The following AASS variants were observed in gnomAD, a reference collection of about 807,000 sequenced individuals.
AASS encodes aminoadipate-semialdehyde synthase.
AASS carries 86 observed loss-of-function variants against 105.4 expected under a neutral mutation model. The ratio of observed to expected loss-of-function variants is 0.82; its 90% CI spans 0.69 to 0.98. The LOEUF (loss-of-function observed/expected upper bound fraction) is 0.98. Among genes scored for constraint, AASS ranks in the 50% least tolerant of loss-of-function variants. AASS has a pLI of 0.00. For missense variants in AASS, 1,048 were observed against 1,143.2 expected (o/e 0.92, Z 1.20); for synonymous variants, 381 against 394.8 (o/e 0.96, Z 0.41).
intron 1 of AASS, among the ~76,000 whole-genome samples, 189 bp downstream of exon 1, chr7:122,143,972 G>C (rs1027472595): frequency 2.6e-5 from 4 of 152,164 alleles, no homozygotes; most frequent in Admixed American, 6.5e-5. Flanking sequence ...AGGGAGGCCC[G>C]AATGCTCGCC....
chr7:122,126,819 A>C (rs994783402), intron 3 of AASS, among the ~76,000 whole-genome samples: 1 of 152,134 alleles, frequency 6.6e-6, no homozygotes, highest in African/African-American at 2.4e-5. Context: ...CTGGTCAAAT[A>C]AAACAGATCC....
chr7:122,139,889 T>C (rs970866903), intron 1 of AASS, among the ~76,000 whole-genome samples: 3 of 151,844 alleles, frequency 2.0e-5, no homozygotes, highest in Non-Finnish European at 4.4e-5. Context: ...GAGGCGAAGT[T>C]TGCAGTAAGT....
At chr7:122,140,099 C>T (rs902439213) in intron 1 of AASS, among the ~76,000 whole-genome samples, 3 of 152,014 alleles carry the variant, frequency 2.0e-5, no homozygotes, top group Non-Finnish European at 4.4e-5. Context: ...TCTCTTCAAC[C>T]CTTTCCATAG....
chr7:122,141,478 T>G (rs969692425), intron 1 of AASS, among the ~76,000 whole-genome samples: 1 of 152,148 alleles, frequency 6.6e-6, no homozygotes, highest in African/African-American at 2.4e-5. Flanking sequence ...TGTGTTTTAC[T>G]CATCTCTGTA....
intron 1 of AASS, among the ~76,000 whole-genome samples, chr7:122,134,085 A>C (rs1233044770): frequency 6.6e-6 from 1 of 152,120 alleles, no homozygotes; most frequent in Non-Finnish European, 1.5e-5. Context: ...CCAGGAAAAT[A>C]ATAAAGAGCA....
At position 122,107,875 on chromosome 7, in the gene AASS, C is replaced by G. The variant is rs182928619; in HGVS notation, c.1278+5243G>C. Among the ~76,000 whole-genome samples, 19 of 150,836 alleles carry G rather than the reference C, an allele frequency of 1.3e-4. No individual in the cohort carries two copies. The East Asian group carries it at 3.7e-3, about 30-fold the overall frequency. On this transcript the variant is annotated intron_variant, in intron 11 of 23. Transcript: ENST00000417368. ...CCTATAGAACAAACCTGCACATGTACCCCTGAACCTAAAAGTTTTTTTTAA... is the reference window on the plus strand; with the variant it reads ...CCTATAGAACAAACCTGCACATGTAGCCCTGAACCTAAAAGTTTTTTTTAA...
intron 1 of AASS, among the ~76,000 whole-genome samples, chr7:122,138,613 G>A: frequency 6.6e-6 from 1 of 152,248 alleles, no homozygotes; most frequent in Non-Finnish European, 1.5e-5. Context: ...GAGACAGGAA[G>A]ATAATAGTGA....
At chr7:122,117,133 T>C (rs1795220106) in intron 6 of AASS, among the ~76,000 whole-genome samples, 176 bp from the exon 7 acceptor site, 1 of 152,214 alleles carries the variant, frequency 6.6e-6, no homozygotes, top group Non-Finnish European at 1.5e-5. Flanking sequence ...GCTAGCTAGC[T>C]TTTATTCCTG....
At chr7:122,090,341 A>T (rs1250069882) in intron 18 of AASS, among the ~76,000 whole-genome samples, 1 of 152,130 alleles carries the variant, frequency 6.6e-6, no homozygotes, top group Non-Finnish European at 1.5e-5. Flanking sequence ...ATCACTAGGA[A>T]GATTTAAAAA....
At chr7:122,093,598 C>A (rs780997749) in intron 15 of AASS, among the ~76,000 whole-genome samples, 2 of 152,012 alleles carry the variant, frequency 1.3e-5, no homozygotes, top group African/African-American at 4.8e-5. Flanking sequence ...GTCGCTTGGG[C>A]CCAGGAGTCG....
chr7:122,137,742 C>A lies in AASS; in HGVS notation c.-15-4001G>T, dbSNP rs114674267. On this transcript the variant is annotated intron_variant, in intron 1 of 23. Transcript: ENST00000417368. ...GTCTAGTATTTCATGGAAATGCCAA[C>A]GGAGGCTGCTTTAGCTTTTTCTGTC... Among the ~76,000 whole-genome samples the A allele has an allele frequency of 4.9e-3, 745 of 152,264 alleles. 9 individuals carry two copies. Among genetic ancestry groups the A allele is most frequent in the African/African-American group, 0.017 (700 of 41,528 alleles).
intron 11 of AASS, among the ~76,000 whole-genome samples, chr7:122,104,999 A>T (rs1398653925): frequency 6.6e-6 from 1 of 152,112 alleles, no homozygotes; most frequent in African/African-American, 2.4e-5. Context: ...CTTTCACCTT[A>T]AGAATGCACA....
chr7:122,128,778 T>C (rs921444347), intron 3 of AASS, among the ~76,000 whole-genome samples: 11 of 152,100 alleles, frequency 7.2e-5, no homozygotes, highest in African/African-American at 2.7e-4. Context: ...TGAATGTGAA[T>C]AAATGTAAAA....
At chr7:122,129,902 G>A (rs1321592661) in intron 2 of AASS, among the ~76,000 whole-genome samples, 1 of 152,062 alleles carries the variant, frequency 6.6e-6, no homozygotes, top group South Asian at 2.1e-4. Context: ...TTTATTAGTT[G>A]TATTTTTAAA....
intron 11 of AASS, among the ~76,000 whole-genome samples, chr7:122,104,014 A>G (rs1363765997): frequency 6.6e-6 from 1 of 152,144 alleles, no homozygotes; most frequent in Non-Finnish European, 1.5e-5. Flanking sequence ...AAATCACTAA[A>G]TCACAAAGAT....
intron 8 of AASS, 36 bp from the exon 9 acceptor site, chr7:122,115,258 A>G: frequency 6.2e-7 from 1 of 1,612,476 alleles, no homozygotes; most frequent in Non-Finnish European, 8.5e-7. Flanking sequence ...AAAATAGAAA[A>G]TAGCCTATTT....
At position 122,129,397 on chromosome 7, in the gene AASS, C is replaced by T. The variant is rs374956174; in HGVS notation, c.351G>A (p.Glu117=). 219 of 1,612,178 alleles carry T rather than the reference C, an allele frequency of 1.4e-4. No individual in the cohort carries two copies. The highest frequency in any genetic ancestry group is 1.8e-4 in the Non-Finnish European group (215 of 1,178,918). ...TCTCATCCAACAAGCCCATATTGGC[C>T]TCCTGAGCTTTTATTGTGTGGGAGA... ...AFFSHTIKAQ[E]ANMGLLDEIL... is the part of the protein sequence containing the mutation. Residue 117 remains glutamate (E), a synonymous_variant, in exon 3 of 24, where the codon GAG becomes GAA. Transcript: ENST00000417368.
At chr7:122,094,333 T>C (rs1005444825) in intron 15 of AASS, among the ~76,000 whole-genome samples, 3 of 151,998 alleles carry the variant, frequency 2.0e-5, no homozygotes, top group Non-Finnish European at 4.4e-5. Flanking sequence ...CACCCTGTTA[T>C]CACATCTAAA....
rs558683250 is a variant in AASS at position 122,137,683 on chromosome 7, G to T, written c.-15-3942C>A. 2.6e-5 allele frequency among the ~76,000 whole-genome samples: 4 copies of T among 152,178 alleles called. No homozygotes were observed. In the South Asian group the frequency reaches 6.2e-4, roughly 24 times the overall value. On this transcript the variant is annotated intron_variant, in intron 1 of 23. Transcript: ENST00000417368. ...TGCTTCTAAGGTCTTCAAGAAATAGGAAATAGTGAGAATTTCTGAATTGCA... is the reference window on the plus strand; with the variant it reads ...TGCTTCTAAGGTCTTCAAGAAATAGTAAATAGTGAGAATTTCTGAATTGCA...
Sources: allele counts gnomAD v4.1 joint callset (sites outside exome capture counted in the v4.1 genomes callset), GRCh38; gene constraint gnomAD v4.1.1; transcripts MANE v1.5; gene names NCBI Gene and HGNC (gene_info 2026-07-23, HGNC 2026-07-21).